The following SEZ6L variants were observed in gnomAD, a reference collection of about 807,000 sequenced individuals.
The protein encoded by SEZ6L is seizure 6-like protein.
SEZ6L carries 37 observed loss-of-function variants against 106.2 expected under a neutral mutation model. That is an observed-to-expected ratio of 0.35 (90% CI 0.27 to 0.46). The LOEUF (loss-of-function observed/expected upper bound fraction) is 0.46. Among genes scored for constraint, SEZ6L ranks in the 20% least tolerant of loss-of-function variants. The pLI is 1.00. For missense variants in SEZ6L, 1,172 were observed against 1,332.8 expected (o/e 0.88, Z 1.88); for synonymous variants, 541 against 570.4 (o/e 0.95, Z 0.73).
Position 26,169,695 on chromosome 22 carries a change from C to T in SEZ6L, c.26C>T (p.Ala9Val). Residue 9 changes from alanine (A) to valine (V), a missense_variant, in exon 1 of 17, where the codon GCG becomes GTG. Around this residue, in one of 4 missense-constraint regions of SEZ6L, gnomAD observed 494 missense variants for 445.8 expected, o/e 1.11. Transcript: ENST00000248933. ...ATGCCCGCGGCCCGGCCGCCCGCCGCGGGACTCCGCGGGATCTCGCTGTTC... is the reference window on the plus strand; with the variant it reads ...ATGCCCGCGGCCCGGCCGCCCGCCGTGGGACTCCGCGGGATCTCGCTGTTC... MPAARPPA[A>V]GLRGISLFLA... is the part of the protein sequence containing the mutation. The T allele has an allele frequency of 7.6e-7, 1 of 1,314,182 alleles. No homozygotes were observed. 81.4% of individuals were successfully genotyped at this position (1,314,182 alleles called of 1,614,324 possible). A position where few individuals can be genotyped will look rare whatever the true frequency, so the allele number is the denominator to read the frequency against.
intron 9 of SEZ6L, among the ~76,000 whole-genome samples, chr22:26,331,803 T>C (rs540142410): frequency 3.9e-5 from 6 of 151,966 alleles, no homozygotes; most frequent in African/African-American, 1.4e-4. Context: ...GCCAACATGG[T>C]GAAATGCTGT....
intron 15 of SEZ6L, among the ~76,000 whole-genome samples, chr22:26,375,986 A>G (rs2084211634): frequency 6.6e-6 from 1 of 152,212 alleles, no homozygotes. Context: ...TGTTCCTTCC[A>G]TCACTCACTC....
intron 9 of SEZ6L, 61 bp from the exon 10 acceptor site, chr22:26,340,375 A>C (rs1465258385): frequency 6.8e-7 from 1 of 1,474,044 alleles, no homozygotes; most frequent in African/African-American, 1.4e-5. Flanking sequence ...AAGTTAATCA[A>C]GGGTTTATTG....
chr22:26,267,746 T>G (rs372888538), intron 1 of SEZ6L, among the ~76,000 whole-genome samples: 1 of 152,200 alleles, frequency 6.6e-6, no homozygotes, highest in East Asian at 1.9e-4. Context: ...ATTTGGGCAT[T>G]GCTAGCATAG....
chr22:26,381,877 T>C lies in SEZ6L; in HGVS notation c.*1582T>C, dbSNP rs1413394006. 1 of 396,914 alleles carries C rather than the reference T, an allele frequency of 2.5e-6. No homozygotes were observed. The highest frequency in any genetic ancestry group is 2.1e-5 in the African/African-American group (1 of 48,170). The allele number at this position is 396,914 out of a possible 1,614,324, so 24.6% of individuals were successfully genotyped here. A position where few individuals can be genotyped will look rare whatever the true frequency, so the allele number is the denominator to read the frequency against. ...TGGTGCCCTCCCATTCTCTCTGGAA[T>C]TGTTTCAAGTCTGCTGGTTTTCAAA... On this transcript the variant is annotated 3_prime_UTR_variant, in exon 17 of 17. Coordinates refer to ENST00000248933, the MANE Select transcript of SEZ6L (RefSeq NM_021115.5).
At chr22:26,230,897 G>A (rs1018565499) in intron 1 of SEZ6L, among the ~76,000 whole-genome samples, 19 of 152,200 alleles carry the variant, frequency 1.2e-4, no homozygotes, top group South Asian at 4.1e-4. Flanking sequence ...GATTATTGAC[G>A]AGGCCAGCAC....
At chr22:26,330,988 T>C (rs607989) in intron 9 of SEZ6L, among the ~76,000 whole-genome samples, 119,867 of 152,192 alleles carry the variant, frequency 0.79, 47,566 homozygotes, top group African/African-American at 0.85. Context: ...AAGGGTCAAA[T>C]GTTTGTTTAG....
chr22:26,322,064 A>G (rs2082170666), intron 9 of SEZ6L, among the ~76,000 whole-genome samples: 1 of 152,240 alleles, frequency 6.6e-6, no homozygotes, highest in Non-Finnish European at 1.5e-5. Context: ...TAATAATTAC[A>G]TAAATGAGAG....
Position 26,351,072 on chromosome 22 carries a change from G to A in SEZ6L, c.2428G>A (p.Gly810Arg), listed in dbSNP as rs868066098. Residue 810 changes from glycine (G) to arginine (R), a missense_variant, in exon 12 of 17, where the codon GGA (glycine) becomes AGA (arginine). Around this residue, in one of 4 missense-constraint regions of SEZ6L, gnomAD observed 534 missense variants for 691.0 expected, o/e 0.77. Coordinates refer to ENST00000248933, the MANE Select transcript of SEZ6L (RefSeq NM_021115.5). The stretch of plus-strand genomic sequence containing the variant: ...TGTAGTTATGTACTGCACCGACCCC[G>A]GAGAGGTGGATCACTCGACCCGCTT... ...CEKIMYCTDP[G>R]EVDHSTRLIS... 3 of 1,614,056 alleles carry A rather than the reference G, an allele frequency of 1.9e-6. No homozygotes were observed. Among genetic ancestry groups the A allele is most frequent in the Non-Finnish European group, 2.5e-6 (3 of 1,180,008 alleles).
chr22:26,291,336 A>G (rs1055861960), intron 1 of SEZ6L, among the ~76,000 whole-genome samples: 1 of 152,218 alleles, frequency 6.6e-6, no homozygotes. Flanking sequence ...AAACTAAGGC[A>G]GGAACAGAAA....
chr22:26,185,721 T>C (rs1422940166), intron 1 of SEZ6L, among the ~76,000 whole-genome samples: 1 of 152,090 alleles, frequency 6.6e-6, no homozygotes, highest in Non-Finnish European at 1.5e-5. Context: ...ACTCACATGA[T>C]CTCATTTAAG....
chr22:26,351,299 CTT>C, intron 12 of SEZ6L, 56 bp downstream of exon 12: 1 of 1,536,128 alleles, frequency 6.5e-7, no homozygotes, highest in Non-Finnish European at 8.9e-7. Flanking sequence ...TTCACTTTCT[CTT>C]GTTCATGATG....
In SEZ6L at chr22:26,350,978, A is replaced by G. The variant is rs1037912215; in HGVS notation, c.2408-74A>G. 3.1e-5 allele frequency: 45 copies of G among 1,469,122 alleles called. No individual in the cohort carries two copies. In the East Asian group the frequency reaches 1.0e-3, roughly 34 times the overall value. The allele number at this position is 1,469,122 out of a possible 1,614,324, so 91.0% of individuals were successfully genotyped here. ...GCCAAGTTAGGAAACTTTCTAGATCATTCTGTAATTCTCAGCAAACCCATG... is the reference window on the plus strand; with the variant it reads ...GCCAAGTTAGGAAACTTTCTAGATCGTTCTGTAATTCTCAGCAAACCCATG... On this transcript the variant is annotated intron_variant, in intron 11 of 16. Coordinates refer to ENST00000248933, the MANE Select transcript of SEZ6L (RefSeq NM_021115.5).
intron 1 of SEZ6L, among the ~76,000 whole-genome samples, chr22:26,246,886 G>T (rs113004300): frequency 6.6e-6 from 1 of 152,122 alleles, no homozygotes; most frequent in Non-Finnish European, 1.5e-5. Context: ...TTATGGCACC[G>T]TCTGGGTCTC....
At chr22:26,180,961 G>A (rs1939348317) in intron 1 of SEZ6L, among the ~76,000 whole-genome samples, 1 of 152,200 alleles carries the variant, frequency 6.6e-6, no homozygotes, top group Admixed American at 6.5e-5. Flanking sequence ...TAGGACTGAG[G>A]TAGGACTGAC....
Position 26,296,669 on chromosome 22 carries a change from T to C in SEZ6L, c.970-219T>C, listed in dbSNP as rs187414882. Among the ~76,000 whole-genome samples, 39 of 152,334 alleles carry C rather than the reference T, an allele frequency of 2.6e-4. No homozygotes were observed. In the East Asian group the frequency reaches 7.5e-3, roughly 29 times the overall value. Reference sequence around the variant, plus strand: ...GCAAGTCCCTTGCAATGCCTCTGCCTTGCAGTTTGGTTTCACTCTATCCCC... The same window carrying C: ...GCAAGTCCCTTGCAATGCCTCTGCCCTGCAGTTTGGTTTCACTCTATCCCC... On this transcript the variant is annotated intron_variant, in intron 3 of 16. Coordinates refer to ENST00000248933, the MANE Select transcript of SEZ6L (RefSeq NM_021115.5).
chr22:26,332,615 G>A (rs2082522113), intron 9 of SEZ6L, among the ~76,000 whole-genome samples: 1 of 151,902 alleles, frequency 6.6e-6, no homozygotes, highest in African/African-American at 2.4e-5. Flanking sequence ...CCCGGCTAAT[G>A]TTTTTATTTT....
chr22:26,195,612 T>C (rs771099957), intron 1 of SEZ6L, among the ~76,000 whole-genome samples: 2 of 152,208 alleles, frequency 1.3e-5, no homozygotes, highest in Non-Finnish European at 2.9e-5. Context: ...TATCACTATG[T>C]GTCAAGCCCT....
intron 5 of SEZ6L, among the ~76,000 whole-genome samples, chr22:26,299,470 T>C (rs2081389548): frequency 1.3e-5 from 2 of 152,118 alleles, no homozygotes; most frequent in Admixed American, 6.5e-5. Context: ...TCACTCCCCA[T>C]CCCTCCCTCC....
Sources: gnomAD v4.1 joint callset for allele counts (sites outside exome capture counted in the v4.1 genomes callset) on GRCh38, gnomAD v4.1.1 for gene constraint, gnomAD v4.1.1 regional missense constraint, MANE v1.5 for transcripts, NCBI Gene and HGNC (gene_info 2026-07-23, HGNC 2026-07-21) for gene names.